Variants in RAB27B observed in about 807,000 individuals in gnomAD.
The protein encoded by RAB27B is ras-related protein Rab-27B.
A neutral mutation model predicts 24.6 loss-of-function variants in RAB27B; 15 were observed. The ratio of observed to expected loss-of-function variants is 0.61; its 90% CI spans 0.41 to 0.94. The LOEUF (loss-of-function observed/expected upper bound fraction) is 0.94, where lower values mean the gene tolerates loss of function less well. RAB27B is among the 40% of genes least tolerant of loss of function. The pLI is 0.00. For synonymous variants in RAB27B, 105 were observed against 92.5 expected (o/e 1.14, Z -0.78); for missense variants, 261 against 266.8 (o/e 0.98, Z 0.15).
chr18:54,718,885 G>C (rs377130257), intron 2 of RAB27B, among the ~76,000 whole-genome samples: 11 of 152,270 alleles, frequency 7.2e-5, no homozygotes, highest in Non-Finnish European at 1.0e-4. Context: ...TGCATTCAAG[G>C]CTCTTTTAAT....
intron 2 of RAB27B, among the ~76,000 whole-genome samples, chr18:54,764,893 T>A (rs916677317): frequency 3.3e-5 from 5 of 152,118 alleles, no homozygotes; most frequent in African/African-American, 1.2e-4. Flanking sequence ...ACATCACCAA[T>A]CAGAAATGGT....
At chr18:54,830,164 G>C (rs1328141535) in intron 1 of RAB27B, among the ~76,000 whole-genome samples, 1 of 152,148 alleles carries the variant, frequency 6.6e-6, no homozygotes, top group Non-Finnish European at 1.5e-5. Context: ...GACCCAATAG[G>C]GAAGGTAACC....
chr18:54,761,308 A>T (rs1232165019), intron 2 of RAB27B, among the ~76,000 whole-genome samples: 1 of 152,030 alleles, frequency 6.6e-6, no homozygotes, highest in African/African-American at 2.4e-5. Flanking sequence ...ACTCAAATAG[A>T]TAGAGTGAAT....
chr18:54,820,648 T>C (rs1039269681), intron 2 of RAB27B, among the ~76,000 whole-genome samples: 115 of 152,284 alleles, frequency 7.6e-4, no homozygotes, highest in African/African-American at 2.6e-3. Flanking sequence ...ATTTTGGCTT[T>C]TGTTGCCATT....
At chr18:54,741,428 A>T (rs771578572) in intron 2 of RAB27B, among the ~76,000 whole-genome samples, 1 of 152,220 alleles carries the variant, frequency 6.6e-6, no homozygotes, top group African/African-American at 2.4e-5. Context: ...TATAGTGGCC[A>T]TGAGAAGCTA....
At chr18:54,743,950 G>A (rs987863609) in intron 2 of RAB27B, among the ~76,000 whole-genome samples, 4 of 152,336 alleles carry the variant, frequency 2.6e-5, no homozygotes, top group Non-Finnish European at 4.4e-5. Flanking sequence ...GTCCAGACAA[G>A]AGATGTTAGT....
At chr18:54,784,332 T>C (rs1340170248) in intron 2 of RAB27B, among the ~76,000 whole-genome samples, 1 of 152,204 alleles carries the variant, frequency 6.6e-6, no homozygotes, top group Non-Finnish European at 1.5e-5. Context: ...AGAGGATACA[T>C]GTGCAGATGT....
intron 1 of RAB27B, among the ~76,000 whole-genome samples, chr18:54,859,883 A>C (rs1439486277): frequency 6.6e-6 from 1 of 152,208 alleles, no homozygotes. Flanking sequence ...CCAGTAGGGG[A>C]TGAAGTGGCT....
intron 2 of RAB27B, among the ~76,000 whole-genome samples, chr18:54,792,496 A>G (rs998898540): frequency 6.6e-6 from 1 of 152,252 alleles, no homozygotes; most frequent in East Asian, 1.9e-4. Flanking sequence ...TCATTTGCAT[A>G]AACTGAGTAA....
intron 2 of RAB27B, among the ~76,000 whole-genome samples, chr18:54,738,813 T>C (rs537937188): frequency 6.6e-6 from 1 of 152,322 alleles, no homozygotes; most frequent in South Asian, 2.1e-4. Context: ...AATTTTGTTA[T>C]AATATACTTT....
At chr18:54,761,890 G>T (rs1908201260) in intron 2 of RAB27B, among the ~76,000 whole-genome samples, 1 of 152,084 alleles carries the variant, frequency 6.6e-6, no homozygotes, top group East Asian at 1.9e-4. Flanking sequence ...GTCTCCTAAT[G>T]TGACTTTATT....
intron 2 of RAB27B, among the ~76,000 whole-genome samples, chr18:54,771,349 A>G (rs1908541710): frequency 6.6e-6 from 1 of 152,108 alleles, no homozygotes; most frequent in African/African-American, 2.4e-5. Flanking sequence ...GTTGAAGGAT[A>G]CGGAAGAGTC....
intron 2 of RAB27B, among the ~76,000 whole-genome samples, chr18:54,771,505 A>G (rs1284450464): frequency 6.6e-6 from 1 of 152,102 alleles, no homozygotes; most frequent in African/African-American, 2.4e-5. Flanking sequence ...GCCTAATAAT[A>G]GATGGCAATT....
chr18:54,858,688 T>A (rs1911889082), intron 1 of RAB27B, among the ~76,000 whole-genome samples: 1 of 152,172 alleles, frequency 6.6e-6, no homozygotes, highest in African/African-American at 2.4e-5. Flanking sequence ...CCAGGAAAAC[T>A]CTTGAGTTTA....
chr18:54,785,344 T>C (rs537397690), intron 2 of RAB27B, among the ~76,000 whole-genome samples: 1 of 151,740 alleles, frequency 6.6e-6, no homozygotes, highest in Non-Finnish European at 1.5e-5. Flanking sequence ...TCAAATGATC[T>C]GCCTGTCTCG....
chr18:54,805,813 T>C (rs1373956939), intron 2 of RAB27B, among the ~76,000 whole-genome samples: 3 of 152,230 alleles, frequency 2.0e-5, no homozygotes, highest in Admixed American at 1.3e-4. Flanking sequence ...TTTCAGAAGA[T>C]TGGATCTTAT....
chr18:54,728,386 A>C (rs939001201), intron 2 of RAB27B, among the ~76,000 whole-genome samples: 1 of 152,186 alleles, frequency 6.6e-6, no homozygotes, highest in African/African-American at 2.4e-5. Context: ...CTCAGCTAGA[A>C]AGACAATCTC....
intron 2 of RAB27B, among the ~76,000 whole-genome samples, chr18:54,816,779 A>G (rs577683984): frequency 6.6e-6 from 1 of 152,334 alleles, no homozygotes; most frequent in Admixed American, 6.5e-5. Flanking sequence ...AACCAGCAAT[A>G]GCCAAGGCAT....
chr18:54,773,060 T>C (rs926605144), intron 2 of RAB27B, among the ~76,000 whole-genome samples: 2 of 152,246 alleles, frequency 1.3e-5, no homozygotes, highest in African/African-American at 4.8e-5. Context: ...CTTCTTTTTT[T>C]TTTTAAATCT....
Sources: allele counts gnomAD v4.1 joint callset (sites outside exome capture counted in the v4.1 genomes callset), GRCh38; gene constraint gnomAD v4.1.1; transcripts MANE v1.5; gene names NCBI Gene and HGNC (gene_info 2026-07-23, HGNC 2026-07-21).